FERMT2: variants seen among roughly 807,000 people sequenced by gnomAD.
FERMT2 encodes FERM domain containing kindlin 2, also known as fermitin family homolog 2.
Under a neutral mutation model 82.7 loss-of-function variants are expected in FERMT2, and 15 were observed. The observed-to-expected ratio is 0.18, with a 90% CI of 0.12 to 0.28. The LOEUF (loss-of-function observed/expected upper bound fraction) is 0.28. FERMT2 is among the 10% of genes least tolerant of loss of function. FERMT2 has a pLI of 1.00. For synonymous variants in FERMT2, 274 were observed against 271.5 expected (o/e 1.01, Z -0.09); for missense variants, 645 against 809.4 (o/e 0.80, Z 2.46).
chr14:52,892,207 G>A (rs1248155497), intron 4 of FERMT2, among the ~76,000 whole-genome samples: 2 of 139,788 alleles, frequency 1.4e-5, no homozygotes, highest in Non-Finnish European at 3.0e-5. Context: ...TTGTCACCCA[G>A]GTTGGCTCAC....
intron 2 of FERMT2, among the ~76,000 whole-genome samples, chr14:52,938,787 C>T (rs1387483256): frequency 6.6e-6 from 1 of 152,022 alleles, no homozygotes; most frequent in African/African-American, 2.4e-5. Context: ...GGCTGGTCTC[C>T]AACTCTGGCC....
intron 2 of FERMT2, among the ~76,000 whole-genome samples, chr14:52,926,999 A>G (rs1229222133): frequency 6.6e-6 from 1 of 152,204 alleles, no homozygotes; most frequent in African/African-American, 2.4e-5. Context: ...TCACGTGCAC[A>G]TAACAGTATC....
chr14:52,920,371 C>A (rs967628944), intron 2 of FERMT2, among the ~76,000 whole-genome samples: 1 of 152,190 alleles, frequency 6.6e-6, no homozygotes, highest in African/African-American at 2.4e-5. Flanking sequence ...TGGCTCATGC[C>A]TGTAATCCCA....
chr14:52,929,055 C>G (rs1170288679), intron 2 of FERMT2, among the ~76,000 whole-genome samples: 2 of 152,146 alleles, frequency 1.3e-5, no homozygotes, highest in Non-Finnish European at 2.9e-5. Context: ...AGCCTATACA[C>G]CCTACTGCCT....
At chr14:52,875,170 G>A (rs1885878359) in intron 8 of FERMT2, 53 bp downstream of exon 8, 1 of 1,496,490 alleles carries the variant, frequency 6.7e-7, no homozygotes. Context: ...TCCACAAAAT[G>A]GAATGCATCA....
intron 4 of FERMT2, among the ~76,000 whole-genome samples, chr14:52,883,898 C>T (rs1021224684): frequency 1.3e-5 from 2 of 152,126 alleles, no homozygotes; most frequent in African/African-American, 2.4e-5. Context: ...GCTCCTCCTC[C>T]GCCTTCCGCT....
chr14:52,859,880 C>G (rs530736026), intron 13 of FERMT2, 166 bp from the exon 14 acceptor site: 29 of 384,698 alleles, frequency 7.5e-5, no homozygotes, highest in Non-Finnish European at 9.5e-5. Context: ...TGCAGTGGCG[C>G]GATCTCAGCT....
intron 13 of FERMT2, 120 bp downstream of exon 13, chr14:52,860,221 T>C: frequency 1.4e-6 from 1 of 705,134 alleles, no homozygotes; most frequent in South Asian, 2.3e-5. Context: ...TGAATTCTAT[T>C]GTAATATGAG....
At chr14:52,893,653 A>G (rs1043335770) in intron 3 of FERMT2, among the ~76,000 whole-genome samples, 1 of 152,180 alleles carries the variant, frequency 6.6e-6, no homozygotes, top group Non-Finnish European at 1.5e-5. Flanking sequence ...GGAAATAACA[A>G]TCTACTAGGG....
chr14:52,930,313 G>T (rs985819018), intron 2 of FERMT2, among the ~76,000 whole-genome samples: 1 of 152,178 alleles, frequency 6.6e-6, no homozygotes, highest in South Asian at 2.1e-4. Flanking sequence ...AAGTCCACTT[G>T]TAAGTCTGAG....
At chr14:52,874,727 G>T (rs7160582) in intron 8 of FERMT2, among the ~76,000 whole-genome samples, 17,551 of 152,112 alleles carry the variant, frequency 0.12, 1,093 homozygotes, top group East Asian at 0.2. Context: ...ACTTGTAAAA[G>T]AATTTGCAGA....
chr14:52,910,353 T>A (rs1240045315), intron 3 of FERMT2, among the ~76,000 whole-genome samples: 1 of 152,188 alleles, frequency 6.6e-6, no homozygotes, highest in Non-Finnish European at 1.5e-5. Flanking sequence ...GTCCTATTGA[T>A]AACACAGAAT....
chr14:52,858,346 G>A lies in FERMT2; in HGVS notation c.*31C>T. On this transcript the variant is annotated 3_prime_UTR_variant, in exon 15 of 15. Coordinates refer to ENST00000341590, the MANE Select transcript of FERMT2 (RefSeq NM_006832.3). ...GCTTTTAAAGTTAAATATTGTTATG[G>A]CCGTGGAGTTTCATTAAACAGTATT... 4 of 1,568,044 alleles carry A rather than the reference G, an allele frequency of 2.6e-6. No individual in the cohort carries two copies. Among genetic ancestry groups the A allele is most frequent in the Non-Finnish European group, 3.5e-6 (4 of 1,138,778 alleles).
chr14:52,909,231 T>C (rs1057511834), intron 3 of FERMT2, among the ~76,000 whole-genome samples: 29 of 152,114 alleles, frequency 1.9e-4, no homozygotes, highest in African/African-American at 6.5e-4. Flanking sequence ...GAATGTCACA[T>C]TGGCAGTCAA....
intron 3 of FERMT2, among the ~76,000 whole-genome samples, chr14:52,908,538 G>T (rs1594978306): frequency 6.6e-6 from 1 of 152,190 alleles, no homozygotes; most frequent in Non-Finnish European, 1.5e-5. Context: ...ATGCTAAGTG[G>T]AAGAAGCCAT....
chr14:52,928,678 G>T (rs4901318), intron 2 of FERMT2, among the ~76,000 whole-genome samples: 124,319 of 152,110 alleles, frequency 0.82, 51,067 homozygotes, highest in East Asian at 0.99. Context: ...TGTCTACCAC[G>T]GTGTTTCGAA....
chr14:52,919,728 C>T (rs1888842814), intron 2 of FERMT2, among the ~76,000 whole-genome samples: 1 of 152,044 alleles, frequency 6.6e-6, no homozygotes, highest in African/African-American at 2.4e-5. Flanking sequence ...TAGGAATGGA[C>T]AATAACATTC....
chr14:52,926,753 CTTG>C (rs139464348), intron 2 of FERMT2, among the ~76,000 whole-genome samples: 17,525 of 152,018 alleles, frequency 0.12, 1,264 homozygotes, highest in Middle Eastern at 0.18. Context: ...GAAGCCATCA[CTTG>C]TTTTCCTTCT....
chr14:52,941,216 A>G (rs953916292), intron 2 of FERMT2, among the ~76,000 whole-genome samples: 1 of 152,260 alleles, frequency 6.6e-6, no homozygotes, highest in African/African-American at 2.4e-5. Flanking sequence ...TCAAAGAGCT[A>G]GAACTGAATG....
Sources: allele counts gnomAD v4.1 joint callset (sites outside exome capture counted in the v4.1 genomes callset), GRCh38; gene constraint gnomAD v4.1.1; transcripts MANE v1.5; gene names NCBI Gene and HGNC (gene_info 2026-07-23, HGNC 2026-07-21).